MAML2: variants seen among roughly 807,000 people sequenced by gnomAD.
MAML2 encodes mastermind-like protein 2.
In MAML2, 22 loss-of-function variants were observed where a neutral mutation model predicts 96.1. The ratio of observed to expected loss-of-function variants is 0.23; its 90% confidence interval spans 0.16 to 0.33. The LOEUF is 0.33. Ranked by LOEUF, MAML2 falls within the 10% of genes least tolerant of loss-of-function variation. The pLI is 1.00. For synonymous variants in MAML2, 561 were observed against 521.3 expected (o/e 1.08, Z -1.04); for missense variants, 1,367 against 1,392.4 (o/e 0.98, Z 0.29).
At chr11:96,150,626 A>G (rs1188859912) in intron 1 of MAML2, among the ~76,000 whole-genome samples, 2 of 152,146 alleles carry the variant, frequency 1.3e-5, no homozygotes, top group Non-Finnish European at 2.9e-5. Flanking sequence ...ACCCACACCC[A>G]CAGCTTTGGG....
intron 1 of MAML2, among the ~76,000 whole-genome samples, chr11:96,146,141 TCC>T (rs1470864950): frequency 2.0e-5 from 3 of 152,244 alleles, no homozygotes; most frequent in Non-Finnish European, 4.4e-5. Context: ...GGTTTATATA[TCC>T]ATATCATTGT....
At chr11:96,279,899 G>T (rs1863041642) in intron 1 of MAML2, among the ~76,000 whole-genome samples, 1 of 152,186 alleles carries the variant, frequency 6.6e-6, no homozygotes, top group African/African-American at 2.4e-5. Context: ...ATCTCAAAAA[G>T]AAGTCACAGA....
At chr11:96,326,358 C>CCTGTGTGTGT (rs111725703) in intron 1 of MAML2, among the ~76,000 whole-genome samples, 44 of 147,754 alleles carry the variant, frequency 3.0e-4, no homozygotes, top group African/African-American at 1.1e-3. Context: ...CACACTAAAG[C>CCTGTGTGTGT]GTGTGTGTGT....
At chr11:96,314,032 T>G (rs1368621823) in intron 1 of MAML2, among the ~76,000 whole-genome samples, 1 of 152,178 alleles carries the variant, frequency 6.6e-6, no homozygotes, top group Admixed American at 6.5e-5. Flanking sequence ...TTTGTTTGTC[T>G]TCTTCTCCCC....
intron 1 of MAML2, among the ~76,000 whole-genome samples, chr11:96,283,588 T>A (rs1178192444): frequency 6.6e-6 from 1 of 152,180 alleles, no homozygotes; most frequent in Non-Finnish European, 1.5e-5. Flanking sequence ...TTTAAACATG[T>A]GAGAAATGTA....
chr11:96,247,335 C>G (rs1862525393), intron 1 of MAML2, among the ~76,000 whole-genome samples: 1 of 152,040 alleles, frequency 6.6e-6, no homozygotes, highest in Non-Finnish European at 1.5e-5. Flanking sequence ...TCTGAGATAG[C>G]AGTTCAGTGG....
In MAML2 at chr11:96,092,829, G is replaced by C. The variant is rs1455794421; in HGVS notation, c.1202C>G (p.Ser401Trp). ...FSMANSALSTSSPIPSVPQSQ... is the reference protein window; with the variant it reads ...FSMANSALSTWSPIPSVPQSQ... ...CTGAGGGACTGAAGGGATTGGAGAC[G>C]AAGTGGAGAGGGCAGAGTTGGCCAT... is the stretch of plus-strand genomic sequence containing the variant. The change falls in exon 2 of 5, where the codon TCG (serine) becomes TGG (tryptophan). Residue 401 changes from serine to tryptophan, a missense_variant. Transcript: ENST00000524717. This position sits in a 1 kb window ranked among gnomAD's most constrained non-coding sequence, Gnocchi z 4.1. The C allele has an allele frequency of 6.2e-7, 1 of 1,609,010 alleles. No homozygotes were observed. The highest frequency in any genetic ancestry group is 1.1e-5 in the South Asian group (1 of 90,296).
intron 1 of MAML2, among the ~76,000 whole-genome samples, chr11:96,242,659 G>GA (rs138615068): frequency 0.05 from 7,548 of 150,862 alleles, 604 homozygotes; most frequent in African/African-American, 0.17. Flanking sequence ...AGCTTAAAGA[G>GA]AAAAAAAAAG....
chr11:96,339,573 A>T (rs1019577734), intron 1 of MAML2, among the ~76,000 whole-genome samples: 4 of 152,180 alleles, frequency 2.6e-5, no homozygotes, highest in Non-Finnish European at 5.9e-5. Flanking sequence ...GGCAGAGATC[A>T]GTCTTCTCCA....
intron 1 of MAML2, among the ~76,000 whole-genome samples, chr11:96,162,625 C>T (rs188705119): frequency 0.013 from 1,976 of 150,376 alleles, 22 homozygotes; most frequent in Middle Eastern, 0.08. Flanking sequence ...GCAGGAGAAT[C>T]GCTTGAACCC....
At chr11:96,137,483 C>T (rs1396629037) in intron 1 of MAML2, among the ~76,000 whole-genome samples, 3 of 152,182 alleles carry the variant, frequency 2.0e-5, no homozygotes, top group Admixed American at 2.0e-4. Context: ...TTTAAGTTTG[C>T]TTTAGCCTGT....
At chr11:96,141,330 T>C (rs1218237449) in intron 1 of MAML2, among the ~76,000 whole-genome samples, 1 of 152,206 alleles carries the variant, frequency 6.6e-6, no homozygotes, top group Non-Finnish European at 1.5e-5. Flanking sequence ...AAATATCTTG[T>C]ATTTTACCTG....
intron 1 of MAML2, among the ~76,000 whole-genome samples, chr11:96,299,938 A>C (rs1428147777): frequency 6.6e-6 from 1 of 152,224 alleles, no homozygotes; most frequent in African/African-American, 2.4e-5. Flanking sequence ...AAGTGTTGGT[A>C]AGTTTAATTT....
At chr11:96,189,954 AAGT>A (rs1338723653) in intron 1 of MAML2, among the ~76,000 whole-genome samples, 3 of 152,228 alleles carry the variant, frequency 2.0e-5, no homozygotes, top group African/African-American at 7.2e-5. Flanking sequence ...CTGAAGTTAA[AAGT>A]AGGTGTCACT....
intron 2 of MAML2, among the ~76,000 whole-genome samples, chr11:96,024,448 T>C (rs560582856): frequency 1.7e-4 from 26 of 152,362 alleles, no homozygotes; most frequent in African/African-American, 6.0e-4. Context: ...TCTAAACAAA[T>C]GTTAGCTTTT....
At chr11:96,244,764 A>G (rs1450150046) in intron 1 of MAML2, among the ~76,000 whole-genome samples, 1 of 152,182 alleles carries the variant, frequency 6.6e-6, no homozygotes, top group East Asian at 1.9e-4. Flanking sequence ...CTGGACTCTC[A>G]GAGCAATCAC....
At chr11:96,171,712 G>T (rs1448453809) in intron 1 of MAML2, among the ~76,000 whole-genome samples, 4 of 152,260 alleles carry the variant, frequency 2.6e-5, no homozygotes, top group Admixed American at 2.6e-4. Context: ...GCTGGAGACA[G>T]GGTGATAGTA....
At chr11:96,164,793 G>A (rs1318521489) in intron 1 of MAML2, among the ~76,000 whole-genome samples, 1 of 152,200 alleles carries the variant, frequency 6.6e-6, no homozygotes, top group East Asian at 1.9e-4. Context: ...ACTTTCATAA[G>A]TAAAGCAAGC....
At chr11:96,279,578 A>T (rs533366704) in intron 1 of MAML2, among the ~76,000 whole-genome samples, 8 of 152,328 alleles carry the variant, frequency 5.3e-5, no homozygotes, top group Admixed American at 5.2e-4. Flanking sequence ...TTAGCCAAGA[A>T]CTATGGCATT....
Sources: allele counts gnomAD v4.1 joint callset (sites outside exome capture counted in the v4.1 genomes callset), GRCh38; gene constraint gnomAD v4.1.1; non-coding constraint Gnocchi (gnomAD v3.1); transcripts MANE v1.5; gene names NCBI Gene and HGNC (gene_info 2026-07-23, HGNC 2026-07-21).